NDFIP1: variants seen among roughly 807,000 people sequenced by gnomAD.
NDFIP1 encodes the protein NEDD4 family-interacting protein 1.
Under a neutral mutation model 28.8 loss-of-function variants are expected in NDFIP1, and 7 were observed. The observed-to-expected ratio is 0.24, with a 90% confidence interval of 0.14 to 0.46. NDFIP1 has a LOEUF of 0.46. NDFIP1 is among the 20% of genes least tolerant of loss of function. The probability of loss-of-function intolerance (pLI) is 0.99; values close to 1 mark genes in which losing one functional copy is unlikely to be tolerated. For synonymous variants in NDFIP1, 92 were observed against 101.0 expected (o/e 0.91, Z 0.53); for missense variants, 194 against 269.1 (o/e 0.72, Z 1.95).
chr5:142,153,627 G>A lies in NDFIP1; in HGVS notation c.*1899G>A, dbSNP rs1439670922. 5 of 308,336 alleles carry A rather than the reference G, an allele frequency of 1.6e-5. No individual in the cohort carries two copies. The highest frequency in any genetic ancestry group is 3.2e-5 in the Non-Finnish European group (5 of 155,352). The allele number at this position is 308,336 out of a possible 1,614,324, so 19.1% of individuals were successfully genotyped here. A position where few individuals can be genotyped will look rare whatever the true frequency, so the allele number is the denominator to read the frequency against. ...TTGAAGATTTTTTTTTTTCCATTTCGAATCAGATTATAGCAACAATGGAGT... is the reference window on the plus strand; with the variant it reads ...TTGAAGATTTTTTTTTTTCCATTTCAAATCAGATTATAGCAACAATGGAGT... On this transcript the variant is annotated 3_prime_UTR_variant, in exon 8 of 8. Transcript: ENST00000253814.
chr5:142,127,854 G>T (rs1406753114), intron 1 of NDFIP1, among the ~76,000 whole-genome samples: 1 of 152,172 alleles, frequency 6.6e-6, no homozygotes, highest in Non-Finnish European at 1.5e-5. Flanking sequence ...TACTTGGGAG[G>T]CTGAGGCGGA....
At chr5:142,119,910 T>C (rs894673981) in intron 1 of NDFIP1, among the ~76,000 whole-genome samples, 17 of 152,212 alleles carry the variant, frequency 1.1e-4, no homozygotes, top group Non-Finnish European at 2.5e-4. Context: ...ATCACAGTCC[T>C]TTCTCTATAG....
At chr5:142,138,201 C>G (rs1487862668) in intron 5 of NDFIP1, 1 of 161,786 alleles carries the variant, frequency 6.2e-6, no homozygotes, top group Non-Finnish European at 1.3e-5. Context: ...TCATCAAAAG[C>G]AGCCATTCCT....
At chr5:142,150,681 G>A (rs1290018272) in intron 7 of NDFIP1, among the ~76,000 whole-genome samples, 1 of 149,512 alleles carries the variant, frequency 6.7e-6, no homozygotes, top group East Asian at 2.0e-4. Context: ...AGCCGAGCTC[G>A]CGCCACTGCA....
intron 1 of NDFIP1, among the ~76,000 whole-genome samples, chr5:142,125,708 G>C (rs1757163403): frequency 6.6e-6 from 1 of 152,030 alleles, no homozygotes; most frequent in African/African-American, 2.4e-5. Context: ...CACAGCAGCT[G>C]TACCATTTTA....
chr5:142,113,603 A>G (rs1757037115), intron 1 of NDFIP1, among the ~76,000 whole-genome samples: 2 of 152,250 alleles, frequency 1.3e-5, no homozygotes, highest in Admixed American at 6.5e-5. Context: ...ACTTTTAAGT[A>G]TACAGTTTAG....
At chr5:142,150,328 A>G (rs1757433189) in intron 7 of NDFIP1, among the ~76,000 whole-genome samples, 1 of 151,176 alleles carries the variant, frequency 6.6e-6, no homozygotes, top group Admixed American at 6.6e-5. Context: ...AGTTCCTCAT[A>G]TTTTTGTGTC....
intron 4 of NDFIP1, among the ~76,000 whole-genome samples, chr5:142,137,355 T>TG (rs1757287445): frequency 6.6e-6 from 1 of 152,080 alleles, no homozygotes; most frequent in South Asian, 2.1e-4. Context: ...TGTTTTGTTT[T>TG]TTTCAGTTTT....
At chr5:142,139,183 G>A (rs1040759968) in intron 5 of NDFIP1, among the ~76,000 whole-genome samples, 1 of 150,330 alleles carries the variant, frequency 6.7e-6, no homozygotes, top group Admixed American at 6.6e-5. Flanking sequence ...TCGTGCCACT[G>A]CACTCCAGCC....
At position 142,144,552 on chromosome 5, in the gene NDFIP1, C is replaced by A; in HGVS notation, c.563-19C>A. On this transcript the variant is annotated intron_variant, in intron 6 of 7. Transcript: ENST00000253814. ...ATGGAAATTATAAATTCATTCATGA[C>A]TTTTCTTTTTTAAATTAGGCTTTCT... The A allele has an allele frequency of 1.3e-6, 2 of 1,557,100 alleles. No individual in the cohort carries two copies. Among genetic ancestry groups the A allele is most frequent in the Non-Finnish European group, 1.8e-6 (2 of 1,137,618 alleles).
At chr5:142,114,414 T>A (rs1254352858) in intron 1 of NDFIP1, among the ~76,000 whole-genome samples, 1 of 152,210 alleles carries the variant, frequency 6.6e-6, no homozygotes, top group Non-Finnish European at 1.5e-5. Flanking sequence ...ATTGAGTTTT[T>A]TGTTGTCGAG....
intron 7 of NDFIP1, among the ~76,000 whole-genome samples, chr5:142,150,256 G>A (rs1018758433): frequency 1.3e-5 from 2 of 149,810 alleles, no homozygotes; most frequent in Non-Finnish European, 3.0e-5. Flanking sequence ...TGGCCTCATT[G>A]CAAAAACATT....
chr5:142,141,105 T>C (rs1382763299), intron 6 of NDFIP1, among the ~76,000 whole-genome samples: 1 of 151,882 alleles, frequency 6.6e-6, no homozygotes, highest in Non-Finnish European at 1.5e-5. Flanking sequence ...CACCATTGGA[T>C]TTCCAGAATG....
At chr5:142,137,358 T>G (rs1757287533) in intron 4 of NDFIP1, among the ~76,000 whole-genome samples, 2 of 152,098 alleles carry the variant, frequency 1.3e-5, no homozygotes, top group South Asian at 4.1e-4. Flanking sequence ...TTTGTTTTTT[T>G]CAGTTTTTGT....
chr5:142,116,856 G>A (rs890502731), intron 1 of NDFIP1, among the ~76,000 whole-genome samples: 1 of 151,856 alleles, frequency 6.6e-6, no homozygotes, highest in Non-Finnish European at 1.5e-5. Context: ...TGTTACAGGT[G>A]CATGCCACCA....
At chr5:142,121,444 T>C (rs1050142299) in intron 1 of NDFIP1, among the ~76,000 whole-genome samples, 3 of 152,228 alleles carry the variant, frequency 2.0e-5, no homozygotes, top group Non-Finnish European at 2.9e-5. Flanking sequence ...AGTATAGATA[T>C]ACCTTGTGCA....
At chr5:142,146,730 T>C (rs1411419561) in intron 7 of NDFIP1, among the ~76,000 whole-genome samples, 1 of 152,206 alleles carries the variant, frequency 6.6e-6, no homozygotes, top group Non-Finnish European at 1.5e-5. Context: ...GAAATCTGAA[T>C]CTTTATTAGG....
intron 1 of NDFIP1, among the ~76,000 whole-genome samples, chr5:142,124,877 G>A (rs1757155556): frequency 6.6e-6 from 1 of 151,820 alleles, no homozygotes; most frequent in South Asian, 2.1e-4. Flanking sequence ...CCAGGCGGGA[G>A]TGCAGTGGCG....
At chr5:142,133,775 A>C (rs1349967377) in intron 3 of NDFIP1, among the ~76,000 whole-genome samples, 1 of 152,222 alleles carries the variant, frequency 6.6e-6, no homozygotes. Flanking sequence ...GATAGGTAAA[A>C]AGCTTTGTAT....
Sources: gnomAD v4.1 joint callset for allele counts (sites outside exome capture counted in the v4.1 genomes callset) on GRCh38, gnomAD v4.1.1 for gene constraint, MANE v1.5 for transcripts, NCBI Gene and HGNC (gene_info 2026-07-23, HGNC 2026-07-21) for gene names.